The following ROBO1 variants were observed in gnomAD, a reference collection of about 807,000 sequenced individuals.
The protein encoded by ROBO1 is roundabout guidance receptor 1, also known as roundabout homolog 1.
Under a neutral mutation model 195.9 loss-of-function variants are expected in ROBO1, and 149 were observed. The observed-to-expected ratio is 0.76, with a 90% CI of 0.67 to 0.87. The LOEUF is 0.87. Among genes scored for constraint, ROBO1 ranks in the 40% least tolerant of loss-of-function variants. The pLI is 0.00. For missense variants in ROBO1, 1,933 were observed against 2,068.3 expected (o/e 0.93, Z 1.27); for synonymous variants, 816 against 733.2 (o/e 1.11, Z -1.82).
chr3:78,750,906 C>T (rs1352008155), intron 4 of ROBO1, among the ~76,000 whole-genome samples: 1 of 152,112 alleles, frequency 6.6e-6, no homozygotes, highest in East Asian at 1.9e-4. Flanking sequence ...AGAAGAAAAC[C>T]CAGGTATTCT....
intron 1 of ROBO1, among the ~76,000 whole-genome samples, chr3:79,590,313 C>T (rs1943959043): frequency 6.6e-6 from 1 of 151,674 alleles, no homozygotes; most frequent in African/African-American, 2.4e-5. Context: ...TGAAATTAAT[C>T]ATTCATTAAA....
intron 2 of ROBO1, among the ~76,000 whole-genome samples, chr3:79,509,387 A>G (rs1299506238): frequency 6.6e-6 from 1 of 152,170 alleles, no homozygotes; most frequent in Non-Finnish European, 1.5e-5. Flanking sequence ...TCAAACTTAA[A>G]GACTGTATCC....
chr3:78,805,676 A>G (rs752083707), intron 4 of ROBO1, among the ~76,000 whole-genome samples: 4 of 152,066 alleles, frequency 2.6e-5, no homozygotes, highest in Non-Finnish European at 4.4e-5. Context: ...CTTCCATGAT[A>G]TCTTTCAATA....
chr3:78,644,790 G>A (rs536949896), intron 21 of ROBO1, among the ~76,000 whole-genome samples: 23 of 149,582 alleles, frequency 1.5e-4, no homozygotes, highest in African/African-American at 5.9e-4. Flanking sequence ...TTTTCTGTAT[G>A]TGTGTGTGAT....
At position 79,351,462 on chromosome 3, in the gene ROBO1, C is replaced by T. The variant is rs1253773803; in HGVS notation, c.89-225923G>A. On this transcript the variant is annotated intron_variant, in intron 2 of 30. Transcript: ENST00000464233. ...CCCACACGTTTCTGGCTATGTTCCT[C>T]GATTAGCAAAGTCATTTTTTTTGTT... 2.0e-5 allele frequency among the ~76,000 whole-genome samples: 3 copies of T among 152,042 alleles called. No individual in the cohort carries two copies. In the East Asian group the frequency reaches 5.8e-4, roughly 29 times the overall value.
At chr3:79,258,135 T>C (rs1325725632) in intron 2 of ROBO1, among the ~76,000 whole-genome samples, 1 of 152,178 alleles carries the variant, frequency 6.6e-6, no homozygotes, top group East Asian at 1.9e-4. Context: ...TTTTGGAATT[T>C]GGTATTCCCC....
At chr3:78,959,907 C>A (rs1241969643) in intron 3 of ROBO1, among the ~76,000 whole-genome samples, 2 of 152,090 alleles carry the variant, frequency 1.3e-5, no homozygotes, top group Non-Finnish European at 2.9e-5. Flanking sequence ...AAAGGTACAA[C>A]CAAGGATTAT....
At chr3:78,962,823 C>CAAAAAAAAAA (rs770515270) in intron 3 of ROBO1, among the ~76,000 whole-genome samples, 9 of 26,218 alleles carry the variant, frequency 3.4e-4, no homozygotes, top group Admixed American at 2.2e-3. Context: ...GACTCCATCT[C>CAAAAAAAAAA]AAAAAAAAAA....
intron 1 of ROBO1, among the ~76,000 whole-genome samples, chr3:79,735,476 A>C (rs1296269016): frequency 5.3e-5 from 8 of 152,202 alleles, no homozygotes; most frequent in African/African-American, 1.9e-4. Flanking sequence ...TGTTATTTGG[A>C]GAAAGTCATC....
chr3:78,776,400 C>T (rs529369271), intron 4 of ROBO1, among the ~76,000 whole-genome samples: 5 of 152,200 alleles, frequency 3.3e-5, no homozygotes, highest in South Asian at 2.1e-4. Flanking sequence ...TACAGGCAAG[C>T]GCCACCACAC....
chr3:78,682,274 A>T (rs1296159951), intron 10 of ROBO1, among the ~76,000 whole-genome samples: 3 of 152,000 alleles, frequency 2.0e-5, no homozygotes, highest in Non-Finnish European at 4.4e-5. Flanking sequence ...TGAAGGAAAG[A>T]CATAAAACTT....
chr3:79,706,962 GT>G (rs201935321), intron 1 of ROBO1, among the ~76,000 whole-genome samples: 69 of 151,778 alleles, frequency 4.5e-4, no homozygotes, highest in African/African-American at 1.6e-3. Context: ...TTATTTGTAG[GT>G]TTTTTTTCTT....
At chr3:78,741,016 G>C (rs1484222416) in intron 5 of ROBO1, among the ~76,000 whole-genome samples, 1 of 151,960 alleles carries the variant, frequency 6.6e-6, no homozygotes, top group Non-Finnish European at 1.5e-5. Flanking sequence ...TAGTATAATG[G>C]TATTGATTTA....
At chr3:79,548,637 C>T (rs766746978) in intron 2 of ROBO1, among the ~76,000 whole-genome samples, 4 of 152,114 alleles carry the variant, frequency 2.6e-5, no homozygotes, top group Non-Finnish European at 4.4e-5. Flanking sequence ...ACTTCTTTTG[C>T]AATAGGTTCA....
chr3:79,006,333 A>C (rs1255442279), intron 3 of ROBO1, among the ~76,000 whole-genome samples: 1 of 152,192 alleles, frequency 6.6e-6, no homozygotes, highest in Non-Finnish European at 1.5e-5. Context: ...TACAAAGAAG[A>C]GGGGCAAACA....
intron 2 of ROBO1, among the ~76,000 whole-genome samples, chr3:79,400,618 A>G (rs2037332818): frequency 6.6e-6 from 1 of 152,098 alleles, no homozygotes; most frequent in Non-Finnish European, 1.5e-5. Context: ...TCTGTGTATT[A>G]GAATGTGATA....
chr3:78,750,106 G>C (rs2082750703), intron 4 of ROBO1, among the ~76,000 whole-genome samples: 1 of 151,970 alleles, frequency 6.6e-6, no homozygotes, highest in Admixed American at 6.6e-5. Flanking sequence ...TTAAATTAGA[G>C]GAAACATACA....
rs752340117 is a variant in ROBO1 at position 78,627,472 on chromosome 3, G to C, written c.3724C>G (p.Pro1242Ala). 1.5e-5 allele frequency: 25 copies of C among 1,613,068 alleles called. No individual in the cohort carries two copies. The Admixed American group carries it at 3.5e-4, about 23-fold the overall frequency. Reference sequence around the variant, plus strand: ...GGAGAAGAAGCTGCTCCCCGAACAGGGGGAGTGGGGCCTCGTTCATCTTCC... The same window carrying C: ...GGAGAAGAAGCTGCTCCCCGAACAGCGGGAGTGGGGCCTCGTTCATCTTCC... The part of the protein sequence containing the change: ...EEEDERGPTP[P>A]VRGAASSPAA... The change falls in exon 26 of 31, where the codon CCT (proline) becomes GCT (alanine). Residue 1242 changes from proline (P) to alanine (A), a missense_variant. This residue lies in a region of ROBO1 where 1,737 missense variants were observed against 1,882.5 expected (regional missense o/e 0.92). Transcript: ENST00000464233.
At chr3:79,651,347 A>G (rs1489767261) in intron 1 of ROBO1, among the ~76,000 whole-genome samples, 6 of 152,132 alleles carry the variant, frequency 3.9e-5, no homozygotes, top group African/African-American at 1.4e-4. Flanking sequence ...GTGTATGAAT[A>G]TTTATGATAT....
Sources: allele counts gnomAD v4.1 joint callset (sites outside exome capture counted in the v4.1 genomes callset), GRCh38; gene constraint gnomAD v4.1.1; regional missense constraint gnomAD v4.1.1; transcripts MANE v1.5; gene names NCBI Gene and HGNC (gene_info 2026-07-23, HGNC 2026-07-21).